TMEM255B: variants seen among roughly 807,000 people sequenced by gnomAD.
TMEM255B encodes the protein transmembrane protein 255B.
In TMEM255B, 35 loss-of-function variants were observed where a neutral mutation model predicts 34.5. The ratio of observed to expected loss-of-function variants is 1.01; its 90% CI spans 0.77 to 1.34. TMEM255B has a LOEUF of 1.34. TMEM255B is among the 40% of genes most tolerant of loss of function. The pLI is 0.00. For missense variants in TMEM255B, 432 were observed against 433.2 expected (o/e 1.00, Z 0.02); for synonymous variants, 206 against 201.2 (o/e 1.02, Z -0.20).
chr13:113,815,113 G>A lies in TMEM255B; in HGVS notation c.*3210G>A, dbSNP rs1200265119. On this transcript the variant is annotated 3_prime_UTR_variant, in exon 9 of 9. Transcript: ENST00000375353. ...TTAGCTTGGGACCTTGGGTTACAGG[G>A]AGTCTCCTCCTGCCTCAGTTTCTAC... The A allele has an allele frequency of 6.6e-6, 1 of 152,146 alleles. No individual in the cohort carries two copies. Among genetic ancestry groups the A allele is most frequent in the East Asian group, 1.9e-4 (1 of 5,146 alleles). 9.4% of individuals were successfully genotyped at this position (152,146 alleles called of 1,614,324 possible).
chr13:113,768,008 C>T (rs961330594), intron 2 of TMEM255B: 13 of 335,854 alleles, frequency 3.9e-5, no homozygotes, highest in African/African-American at 1.9e-4. Flanking sequence ...CACATGTGTA[C>T]GTGTCTATCA....
chr13:113,807,624 G>A (rs1403358054), intron 8 of TMEM255B, among the ~76,000 whole-genome samples: 5 of 136,576 alleles, frequency 3.7e-5, no homozygotes, highest in African/African-American at 1.1e-4. Flanking sequence ...CGGGATGTGG[G>A]GGGTGGTCCT....
intron 5 of TMEM255B, 146 bp downstream of exon 5, chr13:113,799,565 GC>G (rs1566739822): frequency 1.4e-6 from 1 of 717,774 alleles, no homozygotes. Context: ...AACCGTTGAT[GC>G]CCCCTGTGTT....
intron 4 of TMEM255B, among the ~76,000 whole-genome samples, chr13:113,797,623 T>C (rs1367931335): frequency 6.6e-6 from 1 of 152,238 alleles, no homozygotes; most frequent in Non-Finnish European, 1.5e-5. Context: ...TTGTGTCTGC[T>C]TCCTCCATTG....
intron 3 of TMEM255B, among the ~76,000 whole-genome samples, chr13:113,783,200 T>C (rs879309529): frequency 3.3e-5 from 5 of 152,218 alleles, no homozygotes; most frequent in Admixed American, 6.5e-5. Context: ...GGGGCTCTTA[T>C]GTAATTTCTC....
Position 113,804,925 on chromosome 13 carries a change from CACA to C in TMEM255B, c.711_713del (p.Gln238del), listed in dbSNP as rs771471472. On this transcript the variant is annotated inframe_deletion, in exon 8 of 9. Transcript: ENST00000375353. ...CTGGCCTATGGCCCAGCCGTCCCAC[CACA>C]GACCCTCTACAACCCCGCCCAGCAG... The C allele has an allele frequency of 1.2e-6, 2 of 1,604,806 alleles. No individual in the cohort carries two copies. Among genetic ancestry groups the C allele is most frequent in the South Asian group, 2.2e-5 (2 of 90,940 alleles).
rs1324178235 is a variant in TMEM255B at position 113,795,185 on chromosome 13, T to G, written c.290T>G (p.Val97Gly). ...AAIVFISFGVVAAFCCAIVDG... is the reference protein window; with the variant it reads ...AAIVFISFGVGAAFCCAIVDG... Reference sequence around the variant, plus strand: ...ATCGTGTTTATCAGTTTTGGCGTGGTGGCCGCCTTCTGCTGCGCCATCGTG... The same window carrying G: ...ATCGTGTTTATCAGTTTTGGCGTGGGGGCCGCCTTCTGCTGCGCCATCGTG... The change falls in exon 4 of 9, where the codon GTG becomes GGG. Residue 97 changes from valine (V) to glycine (G), a missense_variant. By Grantham distance (109) the Val-to-Gly change is moderately radical. Transcript: ENST00000375353. The G allele has an allele frequency of 6.2e-7, 1 of 1,614,028 alleles. No individual in the cohort carries two copies. Among genetic ancestry groups the G allele is most frequent in the Non-Finnish European group, 8.5e-7 (1 of 1,179,990 alleles).
intron 8 of TMEM255B, among the ~76,000 whole-genome samples, chr13:113,807,940 G>C (rs181808783): frequency 1.3e-5 from 2 of 152,134 alleles, no homozygotes; most frequent in Non-Finnish European, 2.9e-5. Flanking sequence ...CTGGGTTTAC[G>C]CAAAGGGTGG....
At chr13:113,766,768 G>T (rs2050399495) in intron 2 of TMEM255B, among the ~76,000 whole-genome samples, 1 of 152,212 alleles carries the variant, frequency 6.6e-6, no homozygotes. Flanking sequence ...GATCGTATTA[G>T]TGACGTGATC....
rs575492679 is a variant in TMEM255B at position 113,795,295 on chromosome 13, A to G, written c.342+58A>G. 9.7e-6 allele frequency: 15 copies of G among 1,542,314 alleles called. No individual in the cohort carries two copies. The African/African-American group carries it at 2.0e-4, about 21-fold the overall frequency. ...TTCCGGGGCTGAAAGAGTCGACGTG[A>G]AAAAAGTACAATTTCATTTTGCAGA... On this transcript the variant is annotated intron_variant, in intron 4 of 8. Transcript: ENST00000375353.
rs1437633527 is a variant in TMEM255B at position 113,812,127 on chromosome 13, T to C, written c.*224T>C. 8.6e-6 allele frequency: 5 copies of C among 584,178 alleles called. No homozygotes were observed. In the African/African-American group the frequency reaches 9.6e-5, roughly 11 times the overall value. The allele number at this position is 584,178 out of a possible 1,614,324, so 36.2% of individuals were successfully genotyped here. A position where few individuals can be genotyped will look rare whatever the true frequency, so the allele number is the denominator to read the frequency against. On this transcript the variant is annotated 3_prime_UTR_variant, in exon 9 of 9. Coordinates refer to ENST00000375353, the MANE Select transcript of TMEM255B (RefSeq NM_182614.4). Reference sequence around the variant, plus strand: ...GGTGACACCTTGGCTTGGGCTCTGCTCACATCAAATGGCGCTGAAAGTTCC... The same window carrying C: ...GGTGACACCTTGGCTTGGGCTCTGCCCACATCAAATGGCGCTGAAAGTTCC...
At chr13:113,767,307 A>G (rs2050407248) in intron 2 of TMEM255B, among the ~76,000 whole-genome samples, 1 of 152,268 alleles carries the variant, frequency 6.6e-6, no homozygotes, top group Non-Finnish European at 1.5e-5. Flanking sequence ...AAACATATAC[A>G]AATAGTATCT....
At chr13:113,776,602 G>T (rs561691257) in intron 3 of TMEM255B, among the ~76,000 whole-genome samples, 1 of 152,206 alleles carries the variant, frequency 6.6e-6, no homozygotes, top group African/African-American at 2.4e-5. Context: ...GCCTCAGGAC[G>T]CCTGTTTTTT....
intron 4 of TMEM255B, among the ~76,000 whole-genome samples, chr13:113,798,171 TAGAA>T (rs1299809386): frequency 6.7e-6 from 1 of 149,344 alleles, no homozygotes; most frequent in Non-Finnish European, 1.5e-5. Context: ...GATGGATGGA[TAGAA>T]GGATGGATGA....
At chr13:113,802,799 A>G (rs969092485) in intron 7 of TMEM255B, among the ~76,000 whole-genome samples, 5 of 147,620 alleles carry the variant, frequency 3.4e-5, no homozygotes, top group African/African-American at 9.9e-5. Flanking sequence ...CTGGCTCCCC[A>G]CCCAGTGGCC....
intron 3 of TMEM255B, among the ~76,000 whole-genome samples, chr13:113,783,962 T>A (rs138192754): frequency 9.5e-4 from 144 of 152,236 alleles, no homozygotes; most frequent in African/African-American, 3.4e-3. Context: ...AGGGAACCTC[T>A]TGTCATTTGC....
chr13:113,760,647 CTG>C (rs1423691946), intron 1 of TMEM255B, among the ~76,000 whole-genome samples: 3 of 129,742 alleles, frequency 2.3e-5, no homozygotes, highest in Non-Finnish European at 3.1e-5. Context: ...TTTGGGGTAT[CTG>C]GGGGTGGGTT....
rs185613224 is a variant in TMEM255B, at chr13:113,814,019, G to A, written c.*2116G>A. ...GAGATGCACTCACGAGCGCCTGTGG[G>A]GGAAGAAAAGTGTGCCACGGATTTC... On this transcript the variant is annotated 3_prime_UTR_variant, in exon 9 of 9. Coordinates refer to ENST00000375353, the MANE Select transcript of TMEM255B (RefSeq NM_182614.4). 8.7e-4 allele frequency: 132 copies of A among 152,266 alleles called. No individual in the cohort carries two copies. Among genetic ancestry groups the A allele is most frequent in the African/African-American group, 3.1e-3 (127 of 41,572 alleles). The allele number at this position is 152,266 out of a possible 1,614,324, so 9.4% of individuals were successfully genotyped here.
Position 113,784,707 on chromosome 13 carries a change from G to A in TMEM255B, c.253-10441G>A, listed in dbSNP as rs1010180868. On this transcript the variant is annotated intron_variant, in intron 3 of 8. Coordinates refer to ENST00000375353, the MANE Select transcript of TMEM255B (RefSeq NM_182614.4). ...CGGCCCAAGCCTCACAGTTCCCTTC[G>A]GGTCAGTTGTCCTCCTTATGCAAAT... 3.9e-5 allele frequency among the ~76,000 whole-genome samples: 6 copies of A among 152,240 alleles called. No individual in the cohort carries two copies. The East Asian group carries it at 9.6e-4, about 24-fold the overall frequency.
Sources: allele counts gnomAD v4.1 joint callset (sites outside exome capture counted in the v4.1 genomes callset), GRCh38; gene constraint gnomAD v4.1.1; transcripts MANE v1.5; gene names NCBI Gene and HGNC (gene_info 2026-07-23, HGNC 2026-07-21).